Variants in RASSF3 observed in about 807,000 individuals in gnomAD.
RASSF3 encodes ras association domain-containing protein 3.
RASSF3 carries 19 observed loss-of-function variants against 19.9 expected under a neutral mutation model. That is an observed-to-expected ratio of 0.96 (90% CI 0.67 to 1.40). The LOEUF (loss-of-function observed/expected upper bound fraction) is 1.40. Among genes scored for constraint, RASSF3 ranks in the 40% most tolerant of loss-of-function variants. The pLI, the probability that RASSF3 is intolerant of heterozygous loss-of-function variation, is 0.00. For synonymous variants in RASSF3, 110 were observed against 104.2 expected (o/e 1.06, Z -0.34); for missense variants, 306 against 289.8 (o/e 1.06, Z -0.41).
chr12:64,569,324 G>C (rs1192199226), intron 2 of RASSF3, among the ~76,000 whole-genome samples: 1 of 152,254 alleles, frequency 6.6e-6, no homozygotes, highest in Non-Finnish European at 1.5e-5. Flanking sequence ...CCCTGCTCCA[G>C]CTGACACAGC....
intron 1 of RASSF3, among the ~76,000 whole-genome samples, chr12:64,669,199 T>A (rs1872620065): frequency 6.6e-6 from 1 of 152,188 alleles, no homozygotes; most frequent in Non-Finnish European, 1.5e-5. Context: ...TTGTTTGAGT[T>A]TCTGTTTTGT....
At chr12:64,560,635 G>A (rs1869331303) in intron 2 of RASSF3, among the ~76,000 whole-genome samples, 1 of 152,168 alleles carries the variant, frequency 6.6e-6, no homozygotes, top group African/African-American at 2.4e-5. Flanking sequence ...TTAGCCTACT[G>A]GGCAATGAGG....
chr12:64,634,712 G>A (rs11175480), intron 1 of RASSF3, among the ~76,000 whole-genome samples: 17,787 of 142,866 alleles, frequency 0.12, 1,276 homozygotes, highest in Middle Eastern at 0.18. Context: ...AGTGAGCCGA[G>A]ATGGCACCAT....
chr12:64,623,205 A>C (rs760278111), intron 1 of RASSF3, among the ~76,000 whole-genome samples: 7 of 152,192 alleles, frequency 4.6e-5, no homozygotes, highest in Non-Finnish European at 7.4e-5. Flanking sequence ...AAATTTTTTT[A>C]AATGAAAATA....
chr12:64,630,614 GGAA>G (rs1350916375), intron 1 of RASSF3, among the ~76,000 whole-genome samples: 2 of 152,132 alleles, frequency 1.3e-5, no homozygotes, highest in African/African-American at 4.8e-5. Context: ...TGCCTACTCA[GGAA>G]TGAGTTATAG....
upstream of RASSF3, among the ~76,000 whole-genome samples, chr12:64,608,748 G>C (rs1870239263): frequency 6.6e-6 from 1 of 152,124 alleles, no homozygotes; most frequent in Non-Finnish European, 1.5e-5. Context: ...TTTAATAAGA[G>C]CTGCGCTAAT....
rs777893304 is a variant in RASSF3, at chr12:64,561,541, C to T, written c.294+19836C>T. Among the ~76,000 whole-genome samples the T allele has an allele frequency of 2.5e-4, 38 of 152,082 alleles. No individual in the cohort carries two copies. The Middle Eastern group carries it at 0.01, about 41-fold the overall frequency. ...AAAAGCTCCCTGGAGGCAATAAAGT[C>T]CCAAGTAGTACCACTGAACAGCTCA... On this transcript the variant is annotated intron_variant, in intron 2 of 5. Coordinates refer to the RASSF3 transcript ENST00000637125.
chr12:64,561,363 A>G (rs1031157821), intron 2 of RASSF3, among the ~76,000 whole-genome samples: 6 of 152,238 alleles, frequency 3.9e-5, no homozygotes, highest in South Asian at 4.1e-4. Flanking sequence ...CCCAAGGCAC[A>G]TGCATTTCAG....
intron 1 of RASSF3, among the ~76,000 whole-genome samples, chr12:64,670,007 C>A (rs1252837840): frequency 1.4e-5 from 2 of 146,512 alleles, no homozygotes; most frequent in Admixed American, 6.9e-5. Flanking sequence ...ACCTTTACTT[C>A]TGGCACTTCT....
intron 1 of RASSF3, among the ~76,000 whole-genome samples, chr12:64,612,230 C>T (rs1870393679): frequency 6.6e-6 from 1 of 152,058 alleles, no homozygotes; most frequent in South Asian, 2.1e-4. Context: ...TCTTCCCCTT[C>T]TCCGTTTTGC....
At position 64,547,499 on chromosome 12, in the gene RASSF3, G is replaced by A. The variant is rs140773783; in HGVS notation, c.294+5794G>A. Among the ~76,000 whole-genome samples the A allele has an allele frequency of 3.5e-3, 531 of 152,142 alleles. 12 individuals carry two copies. In the East Asian group the frequency reaches 0.047, roughly 13 times the overall value. ...GGAGAATCGCTTGAACGCAGGAGGC[G>A]GAGGTTGCAGTGAGCGGAGATCATG... On this transcript the variant is annotated intron_variant, in intron 2 of 5. Coordinates refer to the RASSF3 transcript ENST00000637125.
chr12:64,612,479 C>CTT lies in RASSF3; in HGVS notation c.111+1754_111+1755dup, dbSNP rs369436937. On this transcript the variant is annotated intron_variant, in intron 1 of 4. Coordinates refer to ENST00000542104, the MANE Select transcript of RASSF3 (RefSeq NM_178169.4). The stretch of plus-strand genomic sequence containing the variant: ...CTAGGTTTATATGCATTTAGCGTTT[C>CTT]TTTTTTTTTTTTTTTTTTTGAGATG... Among the ~76,000 whole-genome samples, 296 of 119,342 alleles carry CTT rather than the reference C, an allele frequency of 2.5e-3. 4 individuals carry two copies. Among genetic ancestry groups the CTT allele is most frequent in the South Asian group, 0.024 (89 of 3,648 alleles). The allele number at this position is 119,342 out of a possible 152,430, so 78.3% of individuals were successfully genotyped here.
intron 1 of RASSF3, among the ~76,000 whole-genome samples, chr12:64,516,996 C>CT (rs1467686393): frequency 3.9e-4 from 28 of 72,082 alleles, no homozygotes; most frequent in African/African-American, 1.8e-3. Context: ...GAAAATCTGT[C>CT]TCAAAAAAAA....
chr12:64,553,640 C>T (rs560911392), intron 2 of RASSF3, among the ~76,000 whole-genome samples: 1 of 152,212 alleles, frequency 6.6e-6, no homozygotes, highest in South Asian at 2.1e-4. Flanking sequence ...GACCATCCAG[C>T]CTCTACGTAA....
chr12:64,687,511 G>A lies in RASSF3; in HGVS notation c.220-705G>A, dbSNP rs373702334. ...TTTTTTTGAGACAGAATCTTGCTCTGTCGCCCAGGCTGGAGTGCAATGGCG... is the reference window on the plus strand; with the variant it reads ...TTTTTTTGAGACAGAATCTTGCTCTATCGCCCAGGCTGGAGTGCAATGGCG... On this transcript the variant is annotated intron_variant, in intron 2 of 4. Transcript: ENST00000542104. Among the ~76,000 whole-genome samples, 51 of 148,922 alleles carry A rather than the reference G, an allele frequency of 3.4e-4. 1 individual carries two copies. The highest frequency in any genetic ancestry group is 1.0e-3 in the African/African-American group (42 of 40,218).
upstream of RASSF3, among the ~76,000 whole-genome samples, chr12:64,609,855 G>A (rs1014777820): frequency 6.6e-6 from 1 of 152,188 alleles, no homozygotes; most frequent in Non-Finnish European, 1.5e-5. Context: ...GTGAGCCCTC[G>A]CTAGAAAGAA....
At chr12:64,523,107 C>CA (rs1868512329) in intron 1 of RASSF3, among the ~76,000 whole-genome samples, 2 of 151,990 alleles carry the variant, frequency 1.3e-5, no homozygotes, top group Admixed American at 6.6e-5. Flanking sequence ...TTGATTTGCT[C>CA]AAAAAAATAA....
chr12:64,691,734 A>AGAAGAGAGTTGGAGGGCAGGGGGAGG (rs1555217320), intron 4 of RASSF3, among the ~76,000 whole-genome samples, 155 bp downstream of exon 4: 2 of 151,048 alleles, frequency 1.3e-5, no homozygotes, highest in Non-Finnish European at 3.0e-5. Flanking sequence ...GGGCAGGGAG[A>AGAAGAGAGTTGGAGGGCAGGGGGAGG]GGGAGAGGGA....
At chr12:64,677,555 G>A (rs910695858) in intron 1 of RASSF3, among the ~76,000 whole-genome samples, 15 of 152,160 alleles carry the variant, frequency 9.9e-5, no homozygotes, top group East Asian at 3.9e-4. Context: ...GATTATAGGC[G>A]TGAGACACCA....
Sources: allele counts gnomAD v4.1 joint callset (sites outside exome capture counted in the v4.1 genomes callset), GRCh38; gene constraint gnomAD v4.1.1; transcripts MANE v1.5; gene names NCBI Gene and HGNC (gene_info 2026-07-23, HGNC 2026-07-21).